Variants in CD1A observed in about 807,000 individuals in gnomAD.
CD1A encodes the protein T-cell surface glycoprotein CD1a.
Under a neutral mutation model 38.3 loss-of-function variants are expected in CD1A, and 50 were observed. That is an observed-to-expected ratio of 1.30 (90% confidence interval 1.04 to 1.65). The LOEUF (loss-of-function observed/expected upper bound fraction) is 1.65. Ranked by LOEUF, CD1A falls within the 40% of genes most tolerant of loss-of-function variation. CD1A has a pLI of 0.00. For missense variants in CD1A, 459 were observed against 406.1 expected (o/e 1.13, Z -1.12); for synonymous variants, 160 against 150.8 (o/e 1.06, Z -0.45).
At chr1:158,254,201 TA>T, upstream of CD1A, 1 of 1,005,174 alleles carries the variant, frequency 9.9e-7, no homozygotes. Flanking sequence ...GTGAATGTAG[TA>T]AGGGGCTGAA....
rs1650198905 is a variant in CD1A at position 158,255,020 on chromosome 1, C to T, written c.59-64C>T. ...GATTCTGAGTTCCCGCACTCTGGCACCTTTCTCTCTCCATCCTCTTTCTCA... is the reference window on the plus strand; with the variant it reads ...GATTCTGAGTTCCCGCACTCTGGCATCTTTCTCTCTCCATCCTCTTTCTCA... On this transcript the variant is annotated intron_variant, in intron 1 of 5. Transcript: ENST00000289429. 8 of 1,541,518 alleles carry T rather than the reference C, an allele frequency of 5.2e-6. No individual in the cohort carries two copies. In the Admixed American group the frequency reaches 8.6e-5, roughly 17 times the overall value.
At chr1:158,253,584 C>G (rs1650143391), upstream of CD1A, among the ~76,000 whole-genome samples, 1 of 152,144 alleles carries the variant, frequency 6.6e-6, no homozygotes, top group Non-Finnish European at 1.5e-5. Context: ...GATGCATAGA[C>G]TGAATTCATT....
upstream of CD1A, among the ~76,000 whole-genome samples, chr1:158,251,254 G>T (rs939617586): frequency 1.3e-5 from 2 of 152,208 alleles, no homozygotes. Flanking sequence ...GGAGGAGGAA[G>T]AGGAGTTGCC....
upstream of CD1A, among the ~76,000 whole-genome samples, chr1:158,251,462 G>A (rs1417448086): frequency 6.6e-6 from 1 of 152,138 alleles, no homozygotes; most frequent in Non-Finnish European, 1.5e-5. Context: ...GGGTGGGGCT[G>A]GTTTGCCAGA....
rs1004083885 is a variant in CD1A, at chr1:158,257,059, A to G, written c.878A>G (p.Tyr293Cys). 3 of 1,602,864 alleles carry G rather than the reference A, an allele frequency of 1.9e-6. No homozygotes were observed. Among genetic ancestry groups the G allele is most frequent in the Admixed American group, 3.4e-5 (2 of 59,366 alleles). Residue 293 changes from tyrosine to cysteine, a missense_variant, in exon 4 of 6, where the codon TAC becomes TGC. Physicochemically the swap from Tyr to Cys is radical, Grantham distance 194 (BLOSUM62 -2). Coordinates refer to ENST00000289429, the MANE Select transcript of CD1A (RefSeq NM_001763.3). ...CTAGAGGGCCAGGACATCGTCCTCT[A>G]CTGGGGTGAGAAAAAGCTAAGGCCC... ...SSLEGQDIVLYWEHHSSVGFI... is the reference protein window; with the variant it reads ...SSLEGQDIVLCWEHHSSVGFI...
At chr1:158,253,422 G>C (rs1036326793), upstream of CD1A, among the ~76,000 whole-genome samples, 2 of 152,088 alleles carry the variant, frequency 1.3e-5, no homozygotes, top group Admixed American at 1.3e-4. Flanking sequence ...TTTATAGCAG[G>C]ATCTTTTATG....
At chr1:158,257,395 T>A in intron 4 of CD1A, 26 bp from the exon 5 acceptor site, 1 of 1,553,896 alleles carries the variant, frequency 6.4e-7, no homozygotes, top group East Asian at 2.2e-5. Flanking sequence ...GATTATAACA[T>A]CCTTGGTGTC....
Position 158,256,070 on chromosome 1 carries a change from T to C in CD1A, c.392T>C (p.Leu131Ser). 6.2e-7 allele frequency: 1 copy of C among 1,614,198 alleles called. No homozygotes were observed. Among genetic ancestry groups the C allele is most frequent in the South Asian group, 1.1e-5 (1 of 91,086 alleles). The change falls in exon 3 of 6, where the codon TTG becomes TCG. Residue 131 changes from leucine to serine, a missense_variant. Coordinates refer to ENST00000289429, the MANE Select transcript of CD1A (RefSeq NM_001763.3). ...TCTGGAAAGGTCTCAGGAAGCTTCTTGCAGTTAGCTTATCAAGGATCAGAC... is the reference window on the plus strand; with the variant it reads ...TCTGGAAAGGTCTCAGGAAGCTTCTCGCAGTTAGCTTATCAAGGATCAGAC... Reference protein sequence around the residue: ...LHSGKVSGSFLQLAYQGSDFV... With the variant: ...LHSGKVSGSFSQLAYQGSDFV...
At chr1:158,250,605 T>C (rs2101626987), upstream of CD1A, among the ~76,000 whole-genome samples, 1 of 152,352 alleles carries the variant, frequency 6.6e-6, no homozygotes, top group Non-Finnish European at 1.5e-5. Flanking sequence ...ATTTCTGCCA[T>C]CTTCCACCTT....
In CD1A at chr1:158,255,079, C is replaced by T. The variant is rs187184165; in HGVS notation, c.59-5C>T. 2.8e-4 allele frequency: 447 copies of T among 1,612,700 alleles called. 2 individuals are homozygous for T. The African/African-American group carries it at 4.8e-3, about 17-fold the overall frequency. On this transcript the variant is annotated splice_polypyrimidine_tract_variant and splice_region_variant and intron_variant, in intron 1 of 5. Transcript: ENST00000289429. ...CTCCCCATTCTATCTGTTCTTTTGT[C>T]GCAGGGCTCAAGGAGCCTCTCTCCT...
the CD1A span, among the ~76,000 whole-genome samples, chr1:158,249,087 T>G: frequency 6.6e-6 from 1 of 152,246 alleles, no homozygotes; most frequent in Non-Finnish European, 1.5e-5. Context: ...TCATAAAACT[T>G]TGGTCCCAGA....
chr1:158,248,484 G>A, the CD1A span: 3 of 897,362 alleles, frequency 3.3e-6, no homozygotes, highest in Non-Finnish European at 4.0e-6. Context: ...TGGATCCTGG[G>A]GAAAGGTTTG....
rs919882492 is a variant in CD1A at position 158,257,843 on chromosome 1, G to A, written c.*153G>A. 3.4e-4 allele frequency: 235 copies of A among 685,882 alleles called. 1 individual carries two copies. The African/African-American group carries it at 3.8e-3, about 11-fold the overall frequency. 42.5% of individuals were successfully genotyped at this position (685,882 alleles called of 1,614,324 possible). The stretch of plus-strand genomic sequence containing the variant: ...TTATTTTTGCTTGTTTCTGATTAAT[G>A]ATTGTTTGTCAATATAAGCTCAATT... On this transcript the variant is annotated 3_prime_UTR_variant, in exon 6 of 6. Transcript: ENST00000289429.
At chr1:158,251,326 AC>A (rs1319272750), upstream of CD1A, among the ~76,000 whole-genome samples, 1 of 152,170 alleles carries the variant, frequency 6.6e-6, no homozygotes, top group African/African-American at 2.4e-5. Flanking sequence ...CACAGTTGAA[AC>A]CCATGTTATT....
In CD1A at chr1:158,258,035, A is replaced by G. The variant is rs1425237627; in HGVS notation, c.*345A>G. 2 of 227,470 alleles carry G rather than the reference A, an allele frequency of 8.8e-6. No individual in the cohort carries two copies. Among genetic ancestry groups the G allele is most frequent in the South Asian group, 9.5e-5 (1 of 10,518 alleles). The allele number at this position is 227,470 out of a possible 1,614,324, so 14.1% of individuals were successfully genotyped here. A position where few individuals can be genotyped will look rare whatever the true frequency, so the allele number is the denominator to read the frequency against. On this transcript the variant is annotated 3_prime_UTR_variant, in exon 6 of 6. Coordinates refer to ENST00000289429, the MANE Select transcript of CD1A (RefSeq NM_001763.3). ...TCCAGAGGGCCTTCCCTGACTTACA[A>G]GTGGGAAGCAGTCTCTTCCTGGTCT...
chr1:158,254,375 A>G (rs985581814), upstream of CD1A: 8 of 1,243,688 alleles, frequency 6.4e-6, no homozygotes, highest in African/African-American at 7.7e-5. Flanking sequence ...TGGCTTTTCA[A>G]TGCCACATCA....
intron 3 of CD1A, 108 bp from the exon 4 acceptor site, chr1:158,256,675 CAAA>C (rs34315183): frequency 1.5e-3 from 1,606 of 1,101,406 alleles, no homozygotes; most frequent in South Asian, 2.7e-3. Context: ...GACCCTGTCT[CAAA>C]AAAAAAAAAA....
chr1:158,254,294 A>G, upstream of CD1A: 3 of 1,115,418 alleles, frequency 2.7e-6, no homozygotes, highest in Non-Finnish European at 3.3e-6. Flanking sequence ...AGCATTGGGC[A>G]GCACACTGGG....
upstream of CD1A, among the ~76,000 whole-genome samples, chr1:158,253,131 A>G (rs529538692): frequency 6.6e-6 from 1 of 152,286 alleles, no homozygotes; most frequent in Non-Finnish European, 1.5e-5. Context: ...AATTAGCTTC[A>G]GATACTTTTT....
Sources: gnomAD v4.1 joint callset for allele counts (sites outside exome capture counted in the v4.1 genomes callset) on GRCh38, gnomAD v4.1.1 for gene constraint, MANE v1.5 for transcripts, NCBI Gene and HGNC (gene_info 2026-07-23, HGNC 2026-07-21) for gene names.